Variants in CHST11 observed in about 807,000 individuals in gnomAD.
CHST11 encodes the protein C4S-1.
CHST11 carries 9 observed loss-of-function variants against 30.4 expected under a neutral mutation model. The observed-to-expected ratio is 0.30, with a 90% CI of 0.18 to 0.52. The LOEUF is 0.52. Among genes scored for constraint, CHST11 ranks in the 20% least tolerant of loss-of-function variants. The probability of loss-of-function intolerance (pLI) is 0.97; values close to 1 mark genes in which losing one functional copy is unlikely to be tolerated. For synonymous variants in CHST11, 152 were observed against 187.8 expected (o/e 0.81, Z 1.56); for missense variants, 348 against 460.6 (o/e 0.76, Z 2.24).
intron 1 of CHST11, among the ~76,000 whole-genome samples, chr12:104,472,130 AT>A (rs112682461): frequency 0.08 from 11,336 of 142,556 alleles, 1,117 homozygotes; most frequent in African/African-American, 0.23. Flanking sequence ...CTAATTTTTG[AT>A]TTTTTTTTTC....
rs145325769 is a variant in CHST11 at position 104,599,472 on chromosome 12, C to T, written c.119-2434C>T. ...AGTTTTATGGCTGTTTTTACTTCTCCGAAGTGTTGCTATGTCATTGTGCAC... is the reference window on the plus strand; with the variant it reads ...AGTTTTATGGCTGTTTTTACTTCTCTGAAGTGTTGCTATGTCATTGTGCAC... On this transcript the variant is annotated intron_variant, in intron 1 of 2. Transcript: ENST00000303694. Among the ~76,000 whole-genome samples, 589 of 152,256 alleles carry T rather than the reference C, an allele frequency of 3.9e-3. 2 individuals carry two copies. Among genetic ancestry groups the T allele is most frequent in the African/African-American group, 0.013 (530 of 41,530 alleles).
At chr12:104,624,513 T>C (rs992776263) in intron 2 of CHST11, among the ~76,000 whole-genome samples, 1 of 115,724 alleles carries the variant, frequency 8.6e-6, no homozygotes, top group African/African-American at 3.4e-5. Flanking sequence ...GTGCTTGCCA[T>C]ATCAAATGAA....
chr12:104,704,990 G>A lies in CHST11; in HGVS notation c.205-51959G>A, dbSNP rs140636824. Among the ~76,000 whole-genome samples, 150 of 152,206 alleles carry A rather than the reference G, an allele frequency of 9.9e-4. 2 individuals carry two copies. In the East Asian group the frequency reaches 0.026, roughly 26 times the overall value. On this transcript the variant is annotated intron_variant, in intron 2 of 2. Transcript: ENST00000303694. ...TATGTTCCGTATGCCTTAGTGTGTT[G>A]AGAAACAAAAAGCATGGACATTTTT...
chr12:104,486,109 C>T (rs2037676665), intron 1 of CHST11, among the ~76,000 whole-genome samples: 1 of 152,148 alleles, frequency 6.6e-6, no homozygotes, highest in Non-Finnish European at 1.5e-5. Flanking sequence ...TTTGGGGCTC[C>T]CTGTGCTGTG....
chr12:104,480,764 G>A (rs923451900), intron 1 of CHST11, among the ~76,000 whole-genome samples: 1 of 152,086 alleles, frequency 6.6e-6, no homozygotes. Context: ...ACCAGAAGCT[G>A]GAAGAAACAA....
Position 104,759,377 on chromosome 12 carries a change from A to C in CHST11, c.*1574A>C, listed in dbSNP as rs978764619. 2.7e-5 allele frequency: 4 copies of C among 147,058 alleles called. No individual in the cohort carries two copies. The highest frequency in any genetic ancestry group is 6.0e-5 in the Non-Finnish European group (4 of 66,550). 9.1% of individuals were successfully genotyped at this position (147,058 alleles called of 1,614,324 possible). On this transcript the variant is annotated 3_prime_UTR_variant, in exon 3 of 3. Coordinates refer to ENST00000303694, the MANE Select transcript of CHST11 (RefSeq NM_018413.6). ...TTTCCAGCCATTGCTGATGCTTCTC[A>C]GTTGAAGTTTGAGCCACATCCCTCT...
At chr12:104,485,264 C>T (rs73382395) in intron 1 of CHST11, among the ~76,000 whole-genome samples, 2,341 of 152,278 alleles carry the variant, frequency 0.015, 59 homozygotes, top group African/African-American at 0.053. Context: ...CTTTGAGAAA[C>T]ACATCTCTGG....
chr12:104,569,489 C>G (rs1385134755), intron 1 of CHST11, among the ~76,000 whole-genome samples: 1 of 152,152 alleles, frequency 6.6e-6, no homozygotes, highest in African/African-American at 2.4e-5. Context: ...AGGGGAAGAG[C>G]TCAGAGGATG....
chr12:104,641,527 C>A (rs1486693118), intron 2 of CHST11, among the ~76,000 whole-genome samples: 2 of 152,126 alleles, frequency 1.3e-5, no homozygotes, highest in African/African-American at 4.8e-5. Flanking sequence ...GTGGAATTTG[C>A]CCCTGCCAGC....
intron 2 of CHST11, among the ~76,000 whole-genome samples, chr12:104,664,119 G>A (rs11112149): frequency 0.087 from 13,208 of 152,188 alleles, 724 homozygotes; most frequent in East Asian, 0.23. Flanking sequence ...GCATCTCAAG[G>A]GTAGGAACTG....
chr12:104,743,304 A>G (rs553900434), intron 2 of CHST11, among the ~76,000 whole-genome samples: 1 of 152,304 alleles, frequency 6.6e-6, no homozygotes, highest in South Asian at 2.1e-4. Flanking sequence ...GTGTCTCTTA[A>G]TATCCACCAC....
rs11112107 is a variant in CHST11, at chr12:104,573,890, C to A, written c.119-28016C>A. 5.5e-3 allele frequency among the ~76,000 whole-genome samples: 834 copies of A among 152,268 alleles called. 12 individuals carry two copies. Among genetic ancestry groups the A allele is most frequent in the African/African-American group, 0.019 (789 of 41,540 alleles). ...CTAATGAAACTAAAGACCTTCTGCA[C>A]AGCAAAAGAAACTACTATCAGAGTG... On this transcript the variant is annotated intron_variant, in intron 1 of 2. Coordinates refer to ENST00000303694, the MANE Select transcript of CHST11 (RefSeq NM_018413.6).
intron 1 of CHST11, among the ~76,000 whole-genome samples, chr12:104,589,592 A>G (rs1467989868): frequency 2.0e-5 from 3 of 152,198 alleles, no homozygotes; most frequent in Non-Finnish European, 2.9e-5. Context: ...TCAAAATGGT[A>G]AATTTTATGT....
At chr12:104,570,980 C>G (rs1052735277) in intron 1 of CHST11, among the ~76,000 whole-genome samples, 1 of 151,816 alleles carries the variant, frequency 6.6e-6, no homozygotes, top group African/African-American at 2.4e-5. Context: ...CGTGAGCCAC[C>G]TCACCCAGCG....
chr12:104,713,216 C>T (rs926869772), intron 2 of CHST11, among the ~76,000 whole-genome samples: 2 of 152,124 alleles, frequency 1.3e-5, no homozygotes, highest in African/African-American at 2.4e-5. Flanking sequence ...ATTTCCACCC[C>T]GGGCCCTCCT....
At chr12:104,506,096 A>G (rs568272003) in intron 1 of CHST11, among the ~76,000 whole-genome samples, 5 of 152,228 alleles carry the variant, frequency 3.3e-5, no homozygotes, top group Non-Finnish European at 7.3e-5. Flanking sequence ...TCACTCAACA[A>G]AAGTGACTGT....
At chr12:104,661,614 G>A (rs1331661179) in intron 2 of CHST11, among the ~76,000 whole-genome samples, 1 of 152,170 alleles carries the variant, frequency 6.6e-6, no homozygotes, top group African/African-American at 2.4e-5. Flanking sequence ...ACAGCGCTTA[G>A]CATGTGGTAG....
At chr12:104,466,054 T>C (rs1275079053) in intron 1 of CHST11, among the ~76,000 whole-genome samples, 1 of 151,968 alleles carries the variant, frequency 6.6e-6, no homozygotes, top group Non-Finnish European at 1.5e-5. Flanking sequence ...GAGACAGGGT[T>C]TCACCATGTT....
intron 1 of CHST11, among the ~76,000 whole-genome samples, chr12:104,576,802 G>A (rs1249769227): frequency 1.3e-5 from 2 of 152,168 alleles, no homozygotes; most frequent in Non-Finnish European, 2.9e-5. Flanking sequence ...TCTGGATTTT[G>A]GGGGCCTAGG....
Sources: gnomAD v4.1 joint callset for allele counts (sites outside exome capture counted in the v4.1 genomes callset) on GRCh38, gnomAD v4.1.1 for gene constraint, MANE v1.5 for transcripts, NCBI Gene and HGNC (gene_info 2026-07-23, HGNC 2026-07-21) for gene names.